Variants in EPS15L1 observed in about 807,000 individuals in gnomAD.
The protein encoded by EPS15L1 is epidermal growth factor receptor substrate 15-like 1.
In EPS15L1, 43 loss-of-function variants were observed where a neutral mutation model predicts 117.1. The observed-to-expected ratio is 0.37, with a 90% CI of 0.29 to 0.47. The LOEUF (loss-of-function observed/expected upper bound fraction) is 0.47, where lower values mean the gene tolerates loss of function less well. EPS15L1 is among the 20% of genes least tolerant of loss of function. The pLI, the probability that EPS15L1 is intolerant of heterozygous loss-of-function variation, is 0.99. For synonymous variants in EPS15L1, 459 were observed against 470.5 expected, an observed-to-expected ratio of 0.98 and a Z score of 0.32; for missense variants, 981 against 1,164.0, an observed-to-expected ratio of 0.84 and a Z score of 2.29.
At chr19:16,372,930 G>T (rs1370956384) in intron 22 of EPS15L1, among the ~76,000 whole-genome samples, 4 of 152,216 alleles carry the variant, frequency 2.6e-5, no homozygotes, top group Non-Finnish European at 4.4e-5. Flanking sequence ...AGCGGCCTCA[G>T]TTCTCCTGTC....
At chr19:16,379,551 A>G (rs2092336799) in intron 21 of EPS15L1, among the ~76,000 whole-genome samples, 1 of 152,270 alleles carries the variant, frequency 6.6e-6, no homozygotes, top group Non-Finnish European at 1.5e-5. Context: ...AGACAGTCTT[A>G]GAGGTATGGC....
At chr19:16,391,920 C>A (rs989297687) in intron 19 of EPS15L1, among the ~76,000 whole-genome samples, 2 of 151,800 alleles carry the variant, frequency 1.3e-5, no homozygotes, top group African/African-American at 4.8e-5. Flanking sequence ...CGGGTCCATG[C>A]GAGCATGTGG....
chr19:16,368,015 G>A, intron 22 of EPS15L1, among the ~76,000 whole-genome samples: 1 of 151,916 alleles, frequency 6.6e-6, no homozygotes, highest in Non-Finnish European at 1.5e-5. Flanking sequence ...GTTTGATCCT[G>A]GCTAGGTTCT....
At position 16,459,908 on chromosome 19, in the gene EPS15L1, C is replaced by T. The variant is rs564481373; in HGVS notation, c.33+12005G>A. Among the ~76,000 whole-genome samples, 8 of 152,290 alleles carry T rather than the reference C, an allele frequency of 5.3e-5. No homozygotes were observed. The South Asian group carries it at 1.7e-3, about 32-fold the overall frequency. On this transcript the variant is annotated intron_variant, in intron 1 of 23. Transcript: ENST00000455140. The stretch of plus-strand genomic sequence containing the variant: ...AATAAAGTATTTCAACAAATGTTGG[C>T]TACACTATGGTACATATGGTAGCCA...
At chr19:16,468,864 T>A (rs2093325475) in intron 1 of EPS15L1, among the ~76,000 whole-genome samples, 1 of 152,194 alleles carries the variant, frequency 6.6e-6, no homozygotes, top group African/African-American at 2.4e-5. Context: ...AAAAATTGTT[T>A]AATTAGCTGG....
chr19:16,434,734 C>G, intron 6 of EPS15L1: 2 of 396,768 alleles, frequency 5.0e-6, no homozygotes, highest in Non-Finnish European at 9.1e-6. Context: ...GAGGCCCTGG[C>G]CCCGGGTCTT....
chr19:16,466,131 G>C (rs1293033456), intron 1 of EPS15L1, among the ~76,000 whole-genome samples: 2 of 152,008 alleles, frequency 1.3e-5, no homozygotes, highest in Non-Finnish European at 2.9e-5. Flanking sequence ...TGGGACTACA[G>C]GCATGTGCCA....
At chr19:16,432,980 A>T (rs2092944052) in intron 7 of EPS15L1, among the ~76,000 whole-genome samples, 1 of 147,102 alleles carries the variant, frequency 6.8e-6, no homozygotes, top group Admixed American at 6.8e-5. Context: ...AGTTTTTTGT[A>T]TTTTTTTTTC....
chr19:16,404,615 C>T lies in EPS15L1; in HGVS notation c.1401G>A (p.Arg467=), dbSNP rs148756051. ...AKLRDMLSDV[R]QKCQDETQMI... ...TCTGAGTCTCATCCTGGCACTTCTGCCGGACGTCGCTCAGCATGTCTCGGA... is the reference window on the plus strand; with the variant it reads ...TCTGAGTCTCATCCTGGCACTTCTGTCGGACGTCGCTCAGCATGTCTCGGA... The change falls in exon 14 of 24, where the codon CGG becomes CGA. Residue 467 remains arginine (R), a synonymous_variant. Coordinates refer to ENST00000455140, the MANE Select transcript of EPS15L1 (RefSeq NM_001258374.3). The surrounding 1 kb of genome is among the most constrained non-coding windows in gnomAD (Gnocchi z 4.2). 3 of 1,614,036 alleles carry T rather than the reference C, an allele frequency of 1.9e-6. No homozygotes were observed. Among genetic ancestry groups the T allele is most frequent in the Non-Finnish European group, 2.5e-6 (3 of 1,180,032 alleles).
At chr19:16,428,505 G>A (rs2092897349) in intron 8 of EPS15L1, among the ~76,000 whole-genome samples, 197 bp downstream of exon 8, 1 of 118,822 alleles carries the variant, frequency 8.4e-6, no homozygotes, top group South Asian at 3.0e-4. Context: ...GGGAGGGAGA[G>A]AGAGAGAGAA....
chr19:16,416,758 C>G (rs1235772368), intron 12 of EPS15L1, among the ~76,000 whole-genome samples: 1 of 152,092 alleles, frequency 6.6e-6, no homozygotes, highest in Non-Finnish European at 1.5e-5. Context: ...CATGATCACA[C>G]CACTACGCTC....
chr19:16,386,410 T>C (rs1226108080), intron 19 of EPS15L1, among the ~76,000 whole-genome samples, 179 bp from the exon 20 acceptor site: 1 of 152,152 alleles, frequency 6.6e-6, no homozygotes, highest in Non-Finnish European at 1.5e-5. Flanking sequence ...CTCCTGCAGA[T>C]AGCACCTATC....
chr19:16,458,512 G>A (rs528810109), intron 1 of EPS15L1, among the ~76,000 whole-genome samples: 5 of 127,810 alleles, frequency 3.9e-5, no homozygotes, highest in East Asian at 2.7e-4. Context: ...CCTCACCCAC[G>A]GCCCTGCCTT....
chr19:16,410,027 G>A (rs1418591941), intron 13 of EPS15L1, among the ~76,000 whole-genome samples: 2 of 151,234 alleles, frequency 1.3e-5, no homozygotes, highest in African/African-American at 2.4e-5. Flanking sequence ...CCAGCTACTC[G>A]GGAAGCCGAG....
At chr19:16,397,484 A>G (rs1227530788) in intron 16 of EPS15L1, among the ~76,000 whole-genome samples, 1 of 152,078 alleles carries the variant, frequency 6.6e-6, no homozygotes, top group Non-Finnish European at 1.5e-5. Context: ...GAAAACTGTA[A>G]AGAGCCACTC....
At chr19:16,389,931 C>A (rs1386384383) in intron 19 of EPS15L1, among the ~76,000 whole-genome samples, 2 of 151,558 alleles carry the variant, frequency 1.3e-5, no homozygotes, top group African/African-American at 4.8e-5. Flanking sequence ...AGACAGAATT[C>A]AAAAAAACAT....
chr19:16,437,920 G>C (rs1222520226), intron 4 of EPS15L1, 55 bp from the exon 5 acceptor site: 2 of 1,369,988 alleles, frequency 1.5e-6, no homozygotes, highest in Admixed American at 1.8e-5. Flanking sequence ...TGAGGGTAGG[G>C]GGAGCTGTCT....
chr19:16,465,794 AG>A (rs2093299309), intron 1 of EPS15L1, among the ~76,000 whole-genome samples: 1 of 152,190 alleles, frequency 6.6e-6, no homozygotes, highest in Admixed American at 6.6e-5. Context: ...TCTAATAACT[AG>A]GTATAAAAAC....
At chr19:16,451,541 T>G (rs1025850874) in intron 1 of EPS15L1, among the ~76,000 whole-genome samples, 1 of 151,512 alleles carries the variant, frequency 6.6e-6, no homozygotes, top group Non-Finnish European at 1.5e-5. Flanking sequence ...TTTTTTTATT[T>G]TTTTTGAGAT....
Sources: allele counts gnomAD v4.1 joint callset (sites outside exome capture counted in the v4.1 genomes callset), GRCh38; gene constraint gnomAD v4.1.1; non-coding constraint Gnocchi (gnomAD v3.1); transcripts MANE v1.5; gene names NCBI Gene and HGNC (gene_info 2026-07-23, HGNC 2026-07-21).